MIB1: variants seen among roughly 807,000 people sequenced by gnomAD.
MIB1 encodes the protein E3 ubiquitin-protein ligase MIB1.
Under a neutral mutation model 124.5 loss-of-function variants are expected in MIB1, and 278 were observed. That is an observed-to-expected ratio of 2.23 (90% CI 2.02 to 2.47). The LOEUF is 2.47. Ranked by LOEUF, MIB1 falls within the 30% of genes most tolerant of loss-of-function variation. MIB1 has a pLI of 0.00. For synonymous variants in MIB1, 446 were observed against 429.4 expected, an observed-to-expected ratio of 1.04 and a Z score of -0.48; for missense variants, 957 against 1,254.4, an observed-to-expected ratio of 0.76 and a Z score of 3.58.
chr18:21,766,176 G>T (rs1183381326), intron 2 of MIB1, among the ~76,000 whole-genome samples: 1 of 152,142 alleles, frequency 6.6e-6, no homozygotes, highest in Admixed American at 6.5e-5. Flanking sequence ...TCTTTCTCTG[G>T]CTTAGAGGGT....
intron 1 of MIB1, among the ~76,000 whole-genome samples, chr18:21,721,675 A>C (rs961775192): frequency 6.6e-6 from 1 of 152,180 alleles, no homozygotes; most frequent in Admixed American, 6.5e-5. Context: ...CATTTTCAAG[A>C]GGCATTTGTA....
chr18:21,804,171 TC>T (rs1467008317), intron 10 of MIB1, among the ~76,000 whole-genome samples, 157 bp downstream of exon 10: 4 of 152,222 alleles, frequency 2.6e-5, no homozygotes, highest in African/African-American at 9.6e-5. Flanking sequence ...TTGAAACAGT[TC>T]TTGTCTTTCT....
At chr18:21,766,271 T>C (rs537217552) in intron 2 of MIB1, among the ~76,000 whole-genome samples, 102 of 152,348 alleles carry the variant, frequency 6.7e-4, no homozygotes, top group African/African-American at 2.5e-3. Context: ...AGTCTGTTAA[T>C]TGATATCAGA....
chr18:21,765,932 G>C lies in MIB1; in HGVS notation c.390G>C (p.Pro130=), dbSNP rs760908907. ...LRHRFYRITT[P]GSERVLLESR... is the part of the protein sequence containing the mutation. Reference sequence around the variant, plus strand: ...ATCGCTTTTACCGAATTACTACACCGGGAAGTGAGAGGTAGGGAGAACCCT... The same window carrying C: ...ATCGCTTTTACCGAATTACTACACCCGGAAGTGAGAGGTAGGGAGAACCCT... Residue 130 remains proline (P), a synonymous_variant, in exon 2 of 21, where the codon CCG becomes CCC. Transcript: ENST00000261537. 6 of 1,613,782 alleles carry C rather than the reference G, an allele frequency of 3.7e-6. No homozygotes were observed. In the East Asian group the frequency reaches 1.1e-4, roughly 30 times the overall value.
At chr18:21,732,913 T>TCTCAAAAC (rs1179968818) in intron 1 of MIB1, among the ~76,000 whole-genome samples, 1 of 152,212 alleles carries the variant, frequency 6.6e-6, no homozygotes, top group African/African-American at 2.4e-5. Flanking sequence ...AACACTCTTG[T>TCTCAAAAC]AATAAGCAGA....
At position 21,849,218 on chromosome 18, in the gene MIB1, CCTT is replaced by C. The variant is rs2042161344; in HGVS notation, c.2419_2421del (p.Ser807del). The C allele has an allele frequency of 1.9e-6, 3 of 1,569,774 alleles. No individual in the cohort carries two copies. Among genetic ancestry groups the C allele is most frequent in the African/African-American group, 1.4e-5 (1 of 72,842 alleles). ...TAGTGGTCAAGTGGGTTCTCGGAGT[CCTT>C]CTATGATTAGTAATGATTCTGAAAC... On this transcript the variant is annotated inframe_deletion, in exon 17 of 21. Transcript: ENST00000261537.
intron 13 of MIB1, 59 bp downstream of exon 13, chr18:21,838,556 A>G: frequency 2.9e-6 from 4 of 1,364,590 alleles, no homozygotes; most frequent in Non-Finnish European, 4.0e-6. Context: ...ATTTGGGACC[A>G]TTGCCATTCA....
At chr18:21,835,849 G>C (rs752584574) in intron 12 of MIB1, among the ~76,000 whole-genome samples, 1 of 24,372 alleles carries the variant, frequency 4.1e-5, no homozygotes, top group Non-Finnish European at 1.1e-4. Flanking sequence ...AAACACACAC[G>C]AGGAGTATTG....
At chr18:21,843,848 G>T (rs1002064111) in intron 14 of MIB1, among the ~76,000 whole-genome samples, 1 of 152,114 alleles carries the variant, frequency 6.6e-6, no homozygotes, top group Non-Finnish European at 1.5e-5. Flanking sequence ...GATGAATTAA[G>T]CAACATATTG....
chr18:21,746,438 CGTCT>C (rs530538727), intron 1 of MIB1, among the ~76,000 whole-genome samples: 1 of 152,120 alleles, frequency 6.6e-6, no homozygotes, highest in Non-Finnish European at 1.5e-5. Flanking sequence ...AGTGATATAA[CGTCT>C]GTCTTGTTTC....
chr18:21,717,049 A>G (rs1221904064), intron 1 of MIB1, among the ~76,000 whole-genome samples: 1 of 152,238 alleles, frequency 6.6e-6, no homozygotes, highest in African/African-American at 2.4e-5. Context: ...TACTGGCATA[A>G]AAATAAGAAT....
intron 1 of MIB1, among the ~76,000 whole-genome samples, chr18:21,710,423 C>G (rs1390998846): frequency 6.6e-6 from 1 of 152,014 alleles, no homozygotes; most frequent in Non-Finnish European, 1.5e-5. Context: ...AAATACAATA[C>G]TAAACAAAAT....
upstream of MIB1, among the ~76,000 whole-genome samples, chr18:21,739,930 A>C (rs45610840): frequency 0.05 from 7,658 of 151,806 alleles, 395 homozygotes; most frequent in African/African-American, 0.12. Flanking sequence ...AAGCAAAAAA[A>C]AAAACAACAA....
At chr18:21,735,778 G>A (rs2040794126) in intron 1 of MIB1, among the ~76,000 whole-genome samples, 1 of 152,212 alleles carries the variant, frequency 6.6e-6, no homozygotes, top group South Asian at 2.1e-4. Flanking sequence ...ACTGGGTGGA[G>A]GCCCTCTGCA....
chr18:21,864,442 TA>T, intron 20 of MIB1, 83 bp from the exon 21 acceptor site: 1 of 1,107,598 alleles, frequency 9.0e-7, no homozygotes, highest in South Asian at 1.7e-5. Flanking sequence ...CTAAAACAAC[TA>T]AAGAAAATTA....
chr18:21,799,796 G>A (rs1324961782), intron 8 of MIB1, 45 bp from the exon 9 acceptor site: 1 of 1,568,060 alleles, frequency 6.4e-7, no homozygotes, highest in South Asian at 1.2e-5. Flanking sequence ...AGTAGTTAAG[G>A]TTTGAGATCC....
At chr18:21,773,060 G>C (rs1306720615) in intron 3 of MIB1, among the ~76,000 whole-genome samples, 1 of 152,188 alleles carries the variant, frequency 6.6e-6, no homozygotes, top group Non-Finnish European at 1.5e-5. Context: ...GAGGTCAGGA[G>C]TTCGAGACCA....
intron 14 of MIB1, 152 bp from the exon 15 acceptor site, chr18:21,843,940 T>C (rs1678313372): frequency 7.9e-6 from 5 of 633,346 alleles, no homozygotes; most frequent in Non-Finnish European, 1.4e-5. Context: ...GCCACAGGGT[T>C]GGAGAAGAGT....
rs750307478 is a variant in MIB1 at position 21,791,365 on chromosome 18, C to T, written c.909-9C>T. 1.9e-6 allele frequency: 3 copies of T among 1,589,334 alleles called. No homozygotes were observed. Among genetic ancestry groups the T allele is most frequent in the South Asian group, 2.3e-5 (2 of 86,400 alleles). On this transcript the variant is annotated splice_polypyrimidine_tract_variant and intron_variant, in intron 6 of 20. Transcript: ENST00000261537. ...CTACCCATTTTGAGGTTTAGCTTTG[C>T]TCTTGTAGGTGGACCTTCAATCCTG...
Sources: gnomAD v4.1 joint callset for allele counts (sites outside exome capture counted in the v4.1 genomes callset) on GRCh38, gnomAD v4.1.1 for gene constraint, MANE v1.5 for transcripts, NCBI Gene and HGNC (gene_info 2026-07-23, HGNC 2026-07-21) for gene names.